The following HPCAL1 variants were observed in gnomAD, a reference collection of about 807,000 sequenced individuals.
HPCAL1 encodes the protein hippocalcin like 1, also known as hippocalcin-like protein 1.
In HPCAL1, 8 loss-of-function variants were observed where a neutral mutation model predicts 17.1. The observed-to-expected ratio is 0.47, with a 90% CI of 0.27 to 0.84. The LOEUF is 0.84. HPCAL1 is among the 40% of genes least tolerant of loss of function. The pLI is 0.13. For synonymous variants in HPCAL1, 112 were observed against 111.4 expected, an observed-to-expected ratio of 1.01 and a Z score of -0.03; for missense variants, 165 against 271.1, an observed-to-expected ratio of 0.61 and a Z score of 2.75.
rs1572882663 is a variant in HPCAL1, at chr2:10,427,141, A to C, written c.*320A>C. On this transcript the variant is annotated 3_prime_UTR_variant, in exon 5 of 5. Transcript: ENST00000307845. ...GTCCATGCCGAGGAGACCAGGCAGG[A>C]CCTCCCGAGGCTGCGCCCCGGCCGG... The C allele has an allele frequency of 6.6e-6, 2 of 301,026 alleles. No individual in the cohort carries two copies. The highest frequency in any genetic ancestry group is 4.3e-5 in the South Asian group (1 of 23,458). The allele number at this position is 301,026 out of a possible 1,614,324, so 18.6% of individuals were successfully genotyped here. A position where few individuals can be genotyped will look rare whatever the true frequency, so the allele number is the denominator to read the frequency against.
At chr2:10,312,436 TATC>T (rs1663043041) in intron 1 of HPCAL1, among the ~76,000 whole-genome samples, 1 of 144,854 alleles carries the variant, frequency 6.9e-6, no homozygotes, top group Non-Finnish European at 1.5e-5. Context: ...TCATCATCAC[TATC>T]ATCATTATCA....
intron 1 of HPCAL1, among the ~76,000 whole-genome samples, chr2:10,375,689 T>C (rs1173439931): frequency 6.6e-6 from 1 of 152,194 alleles, no homozygotes; most frequent in Non-Finnish European, 1.5e-5. Context: ...TCCCTCACTG[T>C]ACAACAGGGA....
chr2:10,312,119 C>T (rs1412934549), intron 1 of HPCAL1, among the ~76,000 whole-genome samples: 4 of 151,684 alleles, frequency 2.6e-5, no homozygotes, highest in Non-Finnish European at 5.9e-5. Context: ...TCACTATCAT[C>T]CTCACCATCA....
Position 10,408,842 on chromosome 2 carries a change from A to G in HPCAL1, c.-24-10892A>G, listed in dbSNP as rs565098253. On this transcript the variant is annotated intron_variant, in intron 2 of 4. Coordinates refer to ENST00000307845, the MANE Select transcript of HPCAL1 (RefSeq NM_002149.4). ...TGAGCTTGAAGAGTCCCTGTTTGGT[A>G]GCCCCAGATCCAGGGTCCCTGGTAT... The G allele has an allele frequency of 3.3e-5, 5 of 152,376 alleles. No homozygotes were observed. The South Asian group carries it at 1.0e-3, about 32-fold the overall frequency. The allele number at this position is 152,376 out of a possible 1,614,324, so 9.4% of individuals were successfully genotyped here. A position where few individuals can be genotyped will look rare whatever the true frequency, so the allele number is the denominator to read the frequency against.
intron 2 of HPCAL1, among the ~76,000 whole-genome samples, chr2:10,399,026 T>C (rs1264259052): frequency 4.0e-5 from 6 of 151,820 alleles, no homozygotes; most frequent in South Asian, 2.1e-4. Flanking sequence ...CCGAGGCCAC[T>C]GTCAGCACGG....
chr2:10,355,222 C>A (rs559996809), intron 1 of HPCAL1, among the ~76,000 whole-genome samples: 1 of 151,862 alleles, frequency 6.6e-6, no homozygotes, highest in Non-Finnish European at 1.5e-5. Context: ...GAGGCCGAGG[C>A]GGGCGGATCA....
At chr2:10,401,365 T>A (rs1287731218) in intron 2 of HPCAL1, among the ~76,000 whole-genome samples, 5 of 152,196 alleles carry the variant, frequency 3.3e-5, no homozygotes, top group Non-Finnish European at 7.3e-5. Flanking sequence ...AGCTTAGAAG[T>A]AATCACTGGG....
intron 1 of HPCAL1, among the ~76,000 whole-genome samples, chr2:10,372,498 A>G (rs888604141): frequency 9.2e-5 from 14 of 151,478 alleles, no homozygotes; most frequent in African/African-American, 2.9e-4. Context: ...ACACCCAGCA[A>G]CTCCCAGTTG....
rs1466883069 is a variant in HPCAL1, at chr2:10,343,263, A to G, written c.-111+40086A>G. Among the ~76,000 whole-genome samples, 2 of 152,118 alleles carry G rather than the reference A, an allele frequency of 1.3e-5. No homozygotes were observed. Among genetic ancestry groups the G allele is most frequent in the Admixed American group, 6.5e-5 (1 of 15,278 alleles). On this transcript the variant is annotated intron_variant, in intron 1 of 4. Transcript: ENST00000307845. This position sits in a 1 kb window ranked among gnomAD's most constrained non-coding sequence, Gnocchi z 4.8. Reference sequence around the variant, plus strand: ...GGCCTGCCCCGTCCCCATAAAACACACCACATTCAAATTACTTATCTCCTC... The same window carrying G: ...GGCCTGCCCCGTCCCCATAAAACACGCCACATTCAAATTACTTATCTCCTC...
intron 1 of HPCAL1, among the ~76,000 whole-genome samples, chr2:10,313,011 C>A (rs1057123536): frequency 1.3e-5 from 2 of 152,160 alleles, no homozygotes; most frequent in African/African-American, 4.8e-5. Flanking sequence ...GGTGAGTTAG[C>A]TGTTCTTTGG....
intron 1 of HPCAL1, among the ~76,000 whole-genome samples, chr2:10,356,477 G>A (rs576263905): frequency 2.0e-5 from 3 of 152,222 alleles, no homozygotes; most frequent in Admixed American, 2.0e-4. Context: ...GGGTGGTGGG[G>A]GGCACATCCA....
chr2:10,309,368 G>A (rs1662815838), intron 1 of HPCAL1, among the ~76,000 whole-genome samples: 1 of 152,182 alleles, frequency 6.6e-6, no homozygotes, highest in Non-Finnish European at 1.5e-5. Flanking sequence ...AACTGAGGAG[G>A]CCCAGAGCAA....
At chr2:10,389,862 G>T (rs10175565) in intron 1 of HPCAL1, among the ~76,000 whole-genome samples, 88,964 of 152,124 alleles carry the variant, frequency 0.58, 26,446 homozygotes, top group East Asian at 0.81. Flanking sequence ...CACATGCTTT[G>T]TCTTGGACAT....
chr2:10,407,244 A>C (rs1451400211), intron 2 of HPCAL1, among the ~76,000 whole-genome samples: 1 of 152,232 alleles, frequency 6.6e-6, no homozygotes, highest in Non-Finnish European at 1.5e-5. Context: ...AGAGATTTCC[A>C]GAATACCGAG....
chr2:10,376,867 A>G (rs1667598863), intron 1 of HPCAL1, among the ~76,000 whole-genome samples: 1 of 130,252 alleles, frequency 7.7e-6, no homozygotes, highest in Admixed American at 7.6e-5. Flanking sequence ...AGTACAATAC[A>G]TAGCGTATTG....
intron 1 of HPCAL1, among the ~76,000 whole-genome samples, chr2:10,375,224 A>G (rs911942421): frequency 1.2e-4 from 18 of 152,204 alleles, no homozygotes; most frequent in African/African-American, 4.1e-4. Context: ...CTATAGATAT[A>G]ATTCTATAAG....
At chr2:10,416,389 C>T (rs752589680) in intron 2 of HPCAL1, among the ~76,000 whole-genome samples, 36 of 152,288 alleles carry the variant, frequency 2.4e-4, no homozygotes, top group South Asian at 1.2e-3. Flanking sequence ...GTCTGGGATC[C>T]GCCAAGGCAA....
At chr2:10,411,565 C>A (rs1408698249) in intron 2 of HPCAL1, among the ~76,000 whole-genome samples, 4 of 152,194 alleles carry the variant, frequency 2.6e-5, no homozygotes, top group African/African-American at 9.6e-5. Flanking sequence ...TGAGCGACTC[C>A]CCTGGACCCC....
chr2:10,346,862 C>A (rs1475455122), intron 1 of HPCAL1, among the ~76,000 whole-genome samples: 1 of 139,378 alleles, frequency 7.2e-6, no homozygotes, highest in East Asian at 2.5e-4. Flanking sequence ...CCTCCCCCCA[C>A]CCTCTTCCTT....
Sources: allele counts gnomAD v4.1 joint callset (sites outside exome capture counted in the v4.1 genomes callset), GRCh38; gene constraint gnomAD v4.1.1; non-coding constraint Gnocchi (gnomAD v3.1); transcripts MANE v1.5; gene names NCBI Gene and HGNC (gene_info 2026-07-23, HGNC 2026-07-21).